Variants in MCRIP1 observed in about 807,000 individuals in gnomAD.
MCRIP1 encodes MAPK regulated corepressor interacting protein 1, also known as mapk-regulated corepressor-interacting protein 1.
In MCRIP1, 10 loss-of-function variants were observed where a neutral mutation model predicts 14.4. The observed-to-expected ratio is 0.70, with a 90% confidence interval of 0.43 to 1.18. The LOEUF is 1.18. MCRIP1 is among the 50% of genes most tolerant of loss of function. MCRIP1 has a pLI of 0.00. For missense variants in MCRIP1, 119 were observed against 135.4 expected, an observed-to-expected ratio of 0.88 and a Z score of 0.60; for synonymous variants, 53 against 55.7, an observed-to-expected ratio of 0.95 and a Z score of 0.21.
chr17:81,825,504 C>T (rs970883168), intron 1 of MCRIP1: 3 of 1,230,214 alleles, frequency 2.4e-6, no homozygotes, highest in Non-Finnish European at 3.1e-6. Flanking sequence ...ACCCAGAGGC[C>T]CAAGGCTGCA....
At chr17:81,826,210 C>T in intron 1 of MCRIP1, 2 of 1,521,888 alleles carry the variant, frequency 1.3e-6, no homozygotes, top group Non-Finnish European at 1.8e-6. Context: ...TTCCGGGGCT[C>T]CCTTTGCCTT....
At chr17:81,825,630 AT>A (rs1362096520) in intron 1 of MCRIP1, 3 of 1,289,242 alleles carry the variant, frequency 2.3e-6, no homozygotes, top group Non-Finnish European at 3.0e-6. Flanking sequence ...ACACCACGTG[AT>A]AAGAATCCCA....
At chr17:81,824,613 A>AG (rs1277401936) in intron 1 of MCRIP1, 59 bp from the exon 2 acceptor site, 2 of 1,534,496 alleles carry the variant, frequency 1.3e-6, no homozygotes, top group African/African-American at 1.4e-5. Flanking sequence ...GCACAGAAGG[A>AG]GGGGGAGGCG....
At chr17:81,830,042 C>G (rs975728683) in intron 1 of MCRIP1, among the ~76,000 whole-genome samples, 4 of 152,262 alleles carry the variant, frequency 2.6e-5, no homozygotes, top group Non-Finnish European at 5.9e-5. Context: ...CACAGGCCAC[C>G]TGCAAGTCTG....
At position 81,822,926 on chromosome 17, in the gene MCRIP1, G is replaced by A. The variant is rs2038297928; in HGVS notation, c.*321C>T. ...CCTGATCCTGCAGTGGCCAGGGGCA[G>A]GAGGGTGAGGGGAGAGGAGAGAGGT... On this transcript the variant is annotated 3_prime_UTR_variant, in exon 5 of 5. Transcript: ENST00000455127. 5 of 521,550 alleles carry A rather than the reference G, an allele frequency of 9.6e-6. No individual in the cohort carries two copies. Among genetic ancestry groups the A allele is most frequent in the Non-Finnish European group, 1.7e-5 (5 of 289,654 alleles). The allele number at this position is 521,550 out of a possible 1,614,324, so 32.3% of individuals were successfully genotyped here.
intron 1 of MCRIP1, among the ~76,000 whole-genome samples, chr17:81,830,423 G>A (rs1378790086): frequency 2.6e-5 from 4 of 152,000 alleles, no homozygotes; most frequent in Admixed American, 6.6e-5. Flanking sequence ...GATCACCTAA[G>A]GTCAGGAGTT....
intron 1 of MCRIP1, among the ~76,000 whole-genome samples, chr17:81,828,566 G>C (rs1332207038): frequency 6.6e-6 from 1 of 152,114 alleles, no homozygotes; most frequent in African/African-American, 2.4e-5. Context: ...TACCCAAAGG[G>C]AAGAGCCACC....
intron 1 of MCRIP1, chr17:81,824,898 G>C: frequency 8.4e-7 from 1 of 1,193,100 alleles, no homozygotes; most frequent in Admixed American, 4.2e-5. Flanking sequence ...CCCTCCCCAC[G>C]TGGGCTGGTG....
intron 1 of MCRIP1, chr17:81,825,265 G>A: frequency 9.1e-7 from 1 of 1,100,324 alleles, no homozygotes; most frequent in East Asian, 7.6e-5. Context: ...CCAGCCCAGG[G>A]GAATCCACGG....
chr17:81,832,690 C>G (rs1416047462), intron 1 of MCRIP1, among the ~76,000 whole-genome samples: 1 of 152,272 alleles, frequency 6.6e-6, no homozygotes, highest in Non-Finnish European at 1.5e-5. Context: ...GCGGTCACAA[C>G]CACCGCCCAG....
At chr17:81,832,739 G>A (rs939438932) in intron 1 of MCRIP1, among the ~76,000 whole-genome samples, 5 of 152,256 alleles carry the variant, frequency 3.3e-5, no homozygotes, top group Admixed American at 6.5e-5. Context: ...CGTTCTCCCC[G>A]TTAGGCCCAG....
rs1417402044 is a variant in MCRIP1, at chr17:81,823,787, C to T, written c.128-274G>A. ...CCCTACCCCAGGCTTCCCTGCGCCT[C>T]GGAGGCAGCGCATCCTCCTCAGCTA... On this transcript the variant is annotated intron_variant, in intron 3 of 4. Coordinates refer to ENST00000455127, the MANE Select transcript of MCRIP1 (RefSeq NM_207368.5). This position sits in a 1 kb window ranked among gnomAD's most constrained non-coding sequence, Gnocchi z 6.0. 1.7e-6 allele frequency: 1 copy of T among 585,652 alleles called. No individual in the cohort carries two copies. Among genetic ancestry groups the T allele is most frequent in the Non-Finnish European group, 3.0e-6 (1 of 329,364 alleles). The allele number at this position is 585,652 out of a possible 1,614,324, so 36.3% of individuals were successfully genotyped here.
In MCRIP1 at chr17:81,831,764, C is replaced by T. The variant is rs550360799; in HGVS notation, c.-49+1474G>A. ...GGCTCAGCCCGAATGCTGCAGCTGG[C>T]CTGAGCCTCCCAAAGTCTGCCTCCA... is the stretch of plus-strand genomic sequence containing the variant. On this transcript the variant is annotated intron_variant, in intron 1 of 4. Transcript: ENST00000455127. 5.9e-5 allele frequency among the ~76,000 whole-genome samples: 9 copies of T among 152,326 alleles called. No homozygotes were observed. The South Asian group carries it at 1.7e-3, about 28-fold the overall frequency.
intron 1 of MCRIP1, among the ~76,000 whole-genome samples, chr17:81,826,909 G>GGAGTTCAA (rs2038414673): frequency 6.6e-6 from 1 of 151,330 alleles, no homozygotes; most frequent in African/African-American, 2.4e-5. Context: ...CACAAGGTCA[G>GGAGTTCAA]GAGTTCAAGA....
At chr17:81,831,923 G>A (rs35624246) in intron 1 of MCRIP1, among the ~76,000 whole-genome samples, 34,611 of 152,074 alleles carry the variant, frequency 0.23, 4,468 homozygotes, top group African/African-American at 0.35. Context: ...GAACTATGTA[G>A]AACCTTCCTC....
chr17:81,830,610 T>C (rs1032435305), intron 1 of MCRIP1, among the ~76,000 whole-genome samples: 1 of 151,580 alleles, frequency 6.6e-6, no homozygotes, highest in East Asian at 2.0e-4. Flanking sequence ...GCACTCCAGC[T>C]TGGGGGACAA....
Position 81,823,451 on chromosome 17 carries a change from C to T in MCRIP1, c.190G>A (p.Glu64Lys), listed in dbSNP as rs142556466. ...QVPGGERGLVEEYVEKVPNPS... is the reference protein window; with the variant it reads ...QVPGGERGLVKEYVEKVPNPS... ...TTAGGGACCTTCTCCACATACTCCT[C>T]CACCAGGCCCCGCTCGCCACCCGGC... Residue 64 changes from glutamate (E) to lysine (K), a missense_variant, in exon 4 of 5, where the codon GAG becomes AAG. Physicochemically the swap from Glu to Lys is moderately conservative, Grantham distance 56 (BLOSUM62 1). Coordinates refer to ENST00000455127, the MANE Select transcript of MCRIP1 (RefSeq NM_207368.5). The surrounding 1 kb of genome is among the most constrained non-coding windows in gnomAD (Gnocchi z 6.0). 6.8e-5 allele frequency: 104 copies of T among 1,536,758 alleles called. No individual in the cohort carries two copies. Among genetic ancestry groups the T allele is most frequent in the South Asian group, 3.6e-4 (30 of 84,064 alleles).
chr17:81,831,017 C>CA (rs1420087610), intron 1 of MCRIP1, among the ~76,000 whole-genome samples: 7 of 151,772 alleles, frequency 4.6e-5, no homozygotes, highest in Admixed American at 3.9e-4. Flanking sequence ...AAAAAAAATA[C>CA]AAAAATTAGC....
rs781385675 is a variant in MCRIP1, at chr17:81,824,464, C to T, written c.8+35G>A. The T allele has an allele frequency of 1.0e-5, 16 of 1,535,252 alleles. No individual in the cohort carries two copies. The South Asian group carries it at 1.8e-4, about 17-fold the overall frequency. ...AGCAGGGTGGGAGCCCACAACCCGC[C>T]CCGGTGGAGACCAGCCCACCTGCCT... On this transcript the variant is annotated intron_variant, in intron 2 of 4. Transcript: ENST00000455127.
Sources: gnomAD v4.1 joint callset for allele counts (sites outside exome capture counted in the v4.1 genomes callset) on GRCh38, gnomAD v4.1.1 for gene constraint, Gnocchi (gnomAD v3.1) non-coding constraint, MANE v1.5 for transcripts, NCBI Gene and HGNC (gene_info 2026-07-23, HGNC 2026-07-21) for gene names.